The following SCHIP1 variants were observed in gnomAD, a reference collection of about 807,000 sequenced individuals.
The protein encoded by SCHIP1 is schwannomin-interacting protein 1.
Under a neutral mutation model 29.7 loss-of-function variants are expected in SCHIP1, and 8 were observed. That is an observed-to-expected ratio of 0.27 (90% CI 0.16 to 0.49). The LOEUF is 0.49. SCHIP1 is among the 20% of genes least tolerant of loss of function. The pLI, the probability that SCHIP1 is intolerant of heterozygous loss-of-function variation, is 0.99. For synonymous variants in SCHIP1, 76 were observed against 94.9 expected, an observed-to-expected ratio of 0.80 and a Z score of 1.16; for missense variants, 193 against 294.6, an observed-to-expected ratio of 0.66 and a Z score of 2.52.
the SCHIP1 span, chr3:159,282,738 C>A: frequency 2.0e-5 from 3 of 149,002 alleles, no homozygotes; most frequent in Non-Finnish European, 4.5e-5. Context: ...GCTCAGGAAT[C>A]TTTACCATAT....
At chr3:159,721,091 A>G in the SCHIP1 span, among the ~76,000 whole-genome samples, 2 of 152,198 alleles carry the variant, frequency 1.3e-5, no homozygotes, top group Non-Finnish European at 2.9e-5. Flanking sequence ...TGTCAGCTAG[A>G]CCCACTCTAA....
the SCHIP1 span, among the ~76,000 whole-genome samples, chr3:159,553,669 G>A: frequency 1.3e-5 from 2 of 152,184 alleles, no homozygotes; most frequent in African/African-American, 4.8e-5. Context: ...GGAGGGCAGT[G>A]GCATGGTCAT....
At chr3:159,707,095 A>G in the SCHIP1 span, among the ~76,000 whole-genome samples, 1 of 152,286 alleles carries the variant, frequency 6.6e-6, no homozygotes, top group East Asian at 1.9e-4. Flanking sequence ...AAGTGTTACA[A>G]AGGAGGAATG....
the SCHIP1 span, among the ~76,000 whole-genome samples, chr3:159,372,419 T>A: frequency 2.4e-4 from 36 of 152,300 alleles, no homozygotes; most frequent in African/African-American, 7.5e-4. Flanking sequence ...TAAAAATGTT[T>A]AAATAATTTT....
chr3:159,834,014 CTCTATTCCTTGGACAGT>C, the SCHIP1 span, among the ~76,000 whole-genome samples: 1 of 152,178 alleles, frequency 6.6e-6, no homozygotes, highest in African/African-American at 2.4e-5. Flanking sequence ...CTCCAAAGGA[CTCTATTCCTTGGACAGT>C]TGATGTTGTT....
At chr3:159,328,386 G>A in the SCHIP1 span, among the ~76,000 whole-genome samples, 8 of 152,204 alleles carry the variant, frequency 5.3e-5, no homozygotes, top group African/African-American at 1.9e-4. Context: ...GTGGGGCTGT[G>A]ACAGAAGTAT....
At chr3:159,793,374 T>G in the SCHIP1 span, among the ~76,000 whole-genome samples, 1 of 152,234 alleles carries the variant, frequency 6.6e-6, no homozygotes, top group Non-Finnish European at 1.5e-5. Context: ...ATATTGTGTC[T>G]GTTGGCCATT....
chr3:159,562,033 A>G, the SCHIP1 span, among the ~76,000 whole-genome samples: 1 of 152,212 alleles, frequency 6.6e-6, no homozygotes, highest in African/African-American at 2.4e-5. Flanking sequence ...AAGGATATAC[A>G]AGTGCTTTCC....
chr3:159,534,074 A>G, the SCHIP1 span, among the ~76,000 whole-genome samples: 1 of 152,138 alleles, frequency 6.6e-6, no homozygotes, highest in Non-Finnish European at 1.5e-5. Context: ...GGTAAAAGAC[A>G]ACTGGACAAC....
At chr3:159,305,621 T>A in the SCHIP1 span, among the ~76,000 whole-genome samples, 1 of 152,218 alleles carries the variant, frequency 6.6e-6, no homozygotes, top group Non-Finnish European at 1.5e-5. Context: ...GAGATACACT[T>A]AAGACTCTCC....
At chr3:159,733,591 G>C in the SCHIP1 span, among the ~76,000 whole-genome samples, 1 of 152,070 alleles carries the variant, frequency 6.6e-6, no homozygotes, top group Admixed American at 6.5e-5. Flanking sequence ...CAGTTGTGTG[G>C]GGGAGTGAAC....
At chr3:159,838,900 CAAA>C (rs546361167), upstream of SCHIP1, among the ~76,000 whole-genome samples, 1 of 58,514 alleles carries the variant, frequency 1.7e-5, no homozygotes, top group Non-Finnish European at 3.5e-5. Context: ...GACTCCATCT[CAAA>C]AAAAAAAAAA....
chr3:159,314,839 A>G, the SCHIP1 span, among the ~76,000 whole-genome samples: 2 of 152,224 alleles, frequency 1.3e-5, no homozygotes, highest in Non-Finnish European at 2.9e-5. Context: ...CTTATAGCTG[A>G]TATCACCACT....
chr3:159,301,667 A>C, the SCHIP1 span, among the ~76,000 whole-genome samples: 1 of 152,074 alleles, frequency 6.6e-6, no homozygotes, highest in Admixed American at 6.6e-5. Context: ...GATGGTTTAA[A>C]AGTGTGGCAC....
the SCHIP1 span, among the ~76,000 whole-genome samples, chr3:159,566,807 T>G: frequency 6.6e-6 from 1 of 152,158 alleles, no homozygotes; most frequent in African/African-American, 2.4e-5. Context: ...GAGAGTGCCG[T>G]ACCTCCCTAA....
At chr3:159,864,815 G>A (rs1253079130) in intron 1 of SCHIP1, among the ~76,000 whole-genome samples, 4 of 152,128 alleles carry the variant, frequency 2.6e-5, no homozygotes, top group African/African-American at 9.7e-5. Flanking sequence ...ATTCTGTGCT[G>A]TCTAGTACAG....
the SCHIP1 span, among the ~76,000 whole-genome samples, chr3:159,583,847 A>G: frequency 6.6e-6 from 1 of 152,100 alleles, no homozygotes; most frequent in Non-Finnish European, 1.5e-5. Flanking sequence ...TGCTCCTTGG[A>G]GCATTTCTGT....
chr3:159,812,033 G>T, the SCHIP1 span, among the ~76,000 whole-genome samples: 1 of 149,414 alleles, frequency 6.7e-6, no homozygotes, highest in Non-Finnish European at 1.5e-5. Context: ...GTGCAGTGGT[G>T]TGATCTCGGC....
chr3:159,873,181 G>A (rs1487622216), intron 2 of SCHIP1, among the ~76,000 whole-genome samples: 1 of 152,174 alleles, frequency 6.6e-6, no homozygotes, highest in Non-Finnish European at 1.5e-5. Context: ...ACTCTGAAGA[G>A]CTCAATGCCC....
Sources: gnomAD v4.1 joint callset for allele counts (sites outside exome capture counted in the v4.1 genomes callset) on GRCh38, gnomAD v4.1.1 for gene constraint, MANE v1.5 for transcripts, NCBI Gene and HGNC (gene_info 2026-07-23, HGNC 2026-07-21) for gene names.